The following MAP7 variants were observed in gnomAD, a reference collection of about 807,000 sequenced individuals.
MAP7 encodes the protein microtubule associated protein 7.
Under a neutral mutation model 94.8 loss-of-function variants are expected in MAP7, and 52 were observed. That is an observed-to-expected ratio of 0.55 (90% CI 0.44 to 0.69). The LOEUF (loss-of-function observed/expected upper bound fraction) is 0.69. MAP7 is among the 30% of genes least tolerant of loss of function. The probability of loss-of-function intolerance (pLI) is 0.00; values close to 1 mark genes in which losing one functional copy is unlikely to be tolerated. For missense variants in MAP7, 940 were observed against 964.6 expected, an observed-to-expected ratio of 0.97 and a Z score of 0.34; for synonymous variants, 350 against 357.0, an observed-to-expected ratio of 0.98 and a Z score of 0.22.
chr6:136,526,141 T>G (rs955449038), intron 1 of MAP7: 2 of 1,312,732 alleles, frequency 1.5e-6, no homozygotes, highest in Non-Finnish European at 1.9e-6. Context: ...ACCAGCCACT[T>G]GGCAACTGAG....
intron 5 of MAP7, among the ~76,000 whole-genome samples, chr6:136,385,902 C>G (rs1460256575): frequency 6.6e-6 from 1 of 152,158 alleles, no homozygotes; most frequent in Non-Finnish European, 1.5e-5. Context: ...TCCTGAATAG[C>G]TGGGATTACA....
At chr6:136,529,746 A>G (rs1453887696) in intron 1 of MAP7, among the ~76,000 whole-genome samples, 1 of 152,168 alleles carries the variant, frequency 6.6e-6, no homozygotes, top group East Asian at 1.9e-4. Context: ...ATGGGTAAAA[A>G]CATTACCACT....
intron 1 of MAP7, among the ~76,000 whole-genome samples, chr6:136,479,932 C>T (rs1812189760): frequency 6.6e-6 from 1 of 151,930 alleles, no homozygotes; most frequent in Non-Finnish European, 1.5e-5. Flanking sequence ...TCCATAGTGC[C>T]CAGATTCAAT....
intron 13 of MAP7, 133 bp downstream of exon 13, chr6:136,360,564 G>T (rs2128560379): frequency 1.4e-6 from 1 of 728,942 alleles, no homozygotes; most frequent in Non-Finnish European, 2.3e-6. Flanking sequence ...CTTTGCAGGA[G>T]ATTGTTATCA....
At chr6:136,526,161 T>C (rs533637201) in intron 1 of MAP7, 9 of 1,291,680 alleles carry the variant, frequency 7.0e-6, no homozygotes, top group Middle Eastern at 3.0e-4. Flanking sequence ...GGCCCTGCAG[T>C]TCCCCTCACC....
chr6:136,411,308 C>T (rs1456797359), intron 3 of MAP7, among the ~76,000 whole-genome samples: 1 of 152,160 alleles, frequency 6.6e-6, no homozygotes, highest in Admixed American at 6.5e-5. Flanking sequence ...CATAACTTTT[C>T]ATGTAAAAAA....
chr6:136,472,756 G>A (rs759458894), intron 1 of MAP7, among the ~76,000 whole-genome samples: 4 of 151,872 alleles, frequency 2.6e-5, no homozygotes, highest in African/African-American at 7.3e-5. Context: ...AACAGTCTAG[G>A]CTTAAACCAG....
At chr6:136,421,131 G>A (rs1468738058) in intron 2 of MAP7, among the ~76,000 whole-genome samples, 6 of 152,124 alleles carry the variant, frequency 3.9e-5, no homozygotes, top group Non-Finnish European at 8.8e-5. Context: ...TTGCTTCTTT[G>A]TATCACTGAA....
intron 1 of MAP7, among the ~76,000 whole-genome samples, chr6:136,452,312 T>C (rs1801404002): frequency 6.6e-6 from 1 of 152,226 alleles, no homozygotes; most frequent in African/African-American, 2.4e-5. Flanking sequence ...AAGCTACTCC[T>C]GGTGAAGATA....
intron 1 of MAP7, among the ~76,000 whole-genome samples, chr6:136,441,930 T>G (rs1369847752): frequency 6.6e-6 from 1 of 151,948 alleles, no homozygotes; most frequent in African/African-American, 2.4e-5. Flanking sequence ...GAAGATTGCT[T>G]GAGCCTGGGA....
At chr6:136,529,799 T>C (rs1048525180) in intron 1 of MAP7, among the ~76,000 whole-genome samples, 25 of 152,180 alleles carry the variant, frequency 1.6e-4, no homozygotes, top group Non-Finnish European at 4.4e-5. Flanking sequence ...CCCGAGCAAC[T>C]GCAGGCCCCA....
chr6:136,349,563 G>A (rs1236306241), intron 16 of MAP7, among the ~76,000 whole-genome samples: 3 of 152,034 alleles, frequency 2.0e-5, no homozygotes, highest in Admixed American at 6.6e-5. Context: ...TTGTAGAGAC[G>A]GGATCTTGCC....
At chr6:136,357,840 A>G (rs1248846813) in intron 15 of MAP7, among the ~76,000 whole-genome samples, 2 of 152,228 alleles carry the variant, frequency 1.3e-5, no homozygotes, top group Non-Finnish European at 1.5e-5. Context: ...CACAAATTCA[A>G]TAAAGCTGCC....
Position 136,550,244 on chromosome 6 carries a change from G to C in MAP7, c.67+98C>G. The C allele has an allele frequency of 9.1e-7, 1 of 1,099,206 alleles. No individual in the cohort carries two copies. Among genetic ancestry groups the C allele is most frequent in the East Asian group, 3.5e-5 (1 of 28,330 alleles). 68.1% of individuals were successfully genotyped at this position (1,099,206 alleles called of 1,614,324 possible). A position where few individuals can be genotyped will look rare whatever the true frequency, so the allele number is the denominator to read the frequency against. On this transcript the variant is annotated intron_variant, in intron 1 of 17. Transcript: ENST00000354570. The surrounding 1 kb of genome is among the most constrained non-coding windows in gnomAD (Gnocchi z 5.1). ...CGGGCCGCGGCCGCGCGGGCGGGGA[G>C]GGGGCTGCCGGCGCCGGGTGATTTC...
intron 1 of MAP7, among the ~76,000 whole-genome samples, chr6:136,523,131 T>C (rs1048258825): frequency 2.0e-5 from 3 of 152,194 alleles, no homozygotes; most frequent in Admixed American, 6.5e-5. Context: ...GTAATAATAA[T>C]AATCAGAACA....
intron 1 of MAP7, among the ~76,000 whole-genome samples, chr6:136,507,721 A>G (rs1197986824): frequency 1.3e-5 from 2 of 152,176 alleles, no homozygotes; most frequent in African/African-American, 4.8e-5. Context: ...TGTTTTAGAT[A>G]TTATTCTACC....
chr6:136,546,506 T>C (rs1373536849), intron 1 of MAP7, among the ~76,000 whole-genome samples: 1 of 152,184 alleles, frequency 6.6e-6, no homozygotes, highest in East Asian at 1.9e-4. Flanking sequence ...TTATTTCACT[T>C]AACATAATGA....
chr6:136,448,934 C>T (rs1372015782), intron 1 of MAP7, among the ~76,000 whole-genome samples: 1 of 151,508 alleles, frequency 6.6e-6, no homozygotes, highest in Non-Finnish European at 1.5e-5. Context: ...TCCATCAGCG[C>T]ATCTGTTCCC....
At chr6:136,423,142 A>G (rs893228582) in intron 1 of MAP7, among the ~76,000 whole-genome samples, 18 of 152,332 alleles carry the variant, frequency 1.2e-4, no homozygotes, top group East Asian at 5.8e-4. Flanking sequence ...CCCAGCTTCT[A>G]TGCTTTTCTG....
Sources: allele counts gnomAD v4.1 joint callset (sites outside exome capture counted in the v4.1 genomes callset), GRCh38; gene constraint gnomAD v4.1.1; non-coding constraint Gnocchi (gnomAD v3.1); transcripts MANE v1.5; gene names NCBI Gene and HGNC (gene_info 2026-07-23, HGNC 2026-07-21).